The following FTO variants were observed in gnomAD, a reference collection of about 807,000 sequenced individuals.
The protein encoded by FTO is FTO alpha-ketoglutarate dependent dioxygenase, also known as alpha-ketoglutarate-dependent dioxygenase FTO.
FTO carries 47 observed loss-of-function variants against 63.9 expected under a neutral mutation model. That is an observed-to-expected ratio of 0.74 (90% CI 0.58 to 0.94). The LOEUF (loss-of-function observed/expected upper bound fraction) is 0.94, where lower values mean the gene tolerates loss of function less well. Among genes scored for constraint, FTO ranks in the 40% least tolerant of loss-of-function variants. The pLI is 0.00. For missense variants in FTO, 562 were observed against 618.1 expected, an observed-to-expected ratio of 0.91 and a Z score of 0.96; for synonymous variants, 207 against 224.4, an observed-to-expected ratio of 0.92 and a Z score of 0.69.
intron 8 of FTO, among the ~76,000 whole-genome samples, chr16:54,098,083 G>A (rs62034140): frequency 0.24 from 35,999 of 152,110 alleles, 4,985 homozygotes; most frequent in Middle Eastern, 0.41. Flanking sequence ...GCAGAGAATC[G>A]GGGTCAGGAA....
At chr16:53,804,632 C>CTTTTT (rs10602540) in intron 1 of FTO, among the ~76,000 whole-genome samples, 5 of 130,168 alleles carry the variant, frequency 3.8e-5, no homozygotes, top group African/African-American at 6.0e-5. Context: ...TCTTATTGAT[C>CTTTTT]TTTTTTTTTT....
At chr16:53,822,387 T>C (rs2151765167) in intron 2 of FTO, among the ~76,000 whole-genome samples, 1 of 152,286 alleles carries the variant, frequency 6.6e-6, no homozygotes, top group African/African-American at 2.4e-5. Context: ...CATACTCTTA[T>C]CAGTAGATAA....
chr16:53,779,778 G>A (rs2077544262), intron 1 of FTO, among the ~76,000 whole-genome samples: 1 of 152,084 alleles, frequency 6.6e-6, no homozygotes, highest in South Asian at 2.1e-4. Context: ...GCTAGCCATG[G>A]AAGCTAGCTA....
intron 5 of FTO, among the ~76,000 whole-genome samples, chr16:53,875,444 A>G (rs1375827467): frequency 6.6e-6 from 1 of 152,222 alleles, no homozygotes; most frequent in African/African-American, 2.4e-5. Context: ...TAATACATGT[A>G]AGTCTTTTTA....
At chr16:54,078,523 AG>A (rs2086057346) in intron 8 of FTO, among the ~76,000 whole-genome samples, 1 of 152,038 alleles carries the variant, frequency 6.6e-6, no homozygotes. Context: ...TTACACAGTC[AG>A]CTGCTGACAC....
intron 8 of FTO, among the ~76,000 whole-genome samples, chr16:54,100,745 A>G (rs1161660102): frequency 1.3e-5 from 2 of 152,206 alleles, no homozygotes; most frequent in African/African-American, 2.4e-5. Context: ...ATGAGGTACA[A>G]TGTCTTTATA....
chr16:54,061,465 GT>G (rs1483824122), intron 8 of FTO, among the ~76,000 whole-genome samples: 1 of 152,172 alleles, frequency 6.6e-6, no homozygotes, highest in Non-Finnish European at 1.5e-5. Context: ...TCATGGGCAG[GT>G]GTTTTCTAAA....
At chr16:53,835,765 A>G (rs1264613183) in intron 3 of FTO, among the ~76,000 whole-genome samples, 1 of 151,990 alleles carries the variant, frequency 6.6e-6, no homozygotes, top group African/African-American at 2.4e-5. Context: ...TTTGGAATCC[A>G]TATGATTTAG....
intron 7 of FTO, among the ~76,000 whole-genome samples, chr16:53,931,623 T>C (rs796729815): frequency 6.6e-6 from 1 of 152,112 alleles, no homozygotes; most frequent in Non-Finnish European, 1.5e-5. Flanking sequence ...AGTACTTGAC[T>C]TTTTGAGGTT....
intron 1 of FTO, among the ~76,000 whole-genome samples, chr16:53,789,928 G>A (rs375284253): frequency 6.1e-4 from 87 of 143,238 alleles, no homozygotes; most frequent in African/African-American, 1.9e-3. Flanking sequence ...ATACATATAC[G>A]TATATACACA....
intron 8 of FTO, among the ~76,000 whole-genome samples, chr16:54,075,989 A>T (rs1359686615): frequency 6.6e-6 from 1 of 152,140 alleles, no homozygotes. Flanking sequence ...CGGATTCCCC[A>T]TCTTCCCCTA....
chr16:53,777,160 A>G (rs1034734295), intron 1 of FTO, among the ~76,000 whole-genome samples: 10 of 152,152 alleles, frequency 6.6e-5, no homozygotes, highest in Non-Finnish European at 1.0e-4. Flanking sequence ...ACTAGAACTT[A>G]GGTCTCCTGT....
At chr16:53,818,691 GT>G (rs2078767826) in intron 2 of FTO, among the ~76,000 whole-genome samples, 1 of 143,784 alleles carries the variant, frequency 7.0e-6, no homozygotes, top group Admixed American at 6.9e-5. Flanking sequence ...CATATGTACT[GT>G]TTTTCTTTTA....
intron 8 of FTO, among the ~76,000 whole-genome samples, chr16:54,085,787 G>A (rs1400442450): frequency 2.0e-5 from 3 of 152,104 alleles, no homozygotes; most frequent in East Asian, 1.9e-4. Flanking sequence ...CCTCCGACTC[G>A]TCTCGCTGTA....
chr16:54,057,552 C>T (rs559057780), intron 8 of FTO, among the ~76,000 whole-genome samples: 1 of 152,282 alleles, frequency 6.6e-6, no homozygotes, highest in South Asian at 2.1e-4. Flanking sequence ...CAACCTCTGC[C>T]ACCCAGGTTC....
At chr16:53,769,882 A>G (rs1180412509) in intron 1 of FTO, among the ~76,000 whole-genome samples, 2 of 152,172 alleles carry the variant, frequency 1.3e-5, no homozygotes, top group Non-Finnish European at 2.9e-5. Context: ...AAGGTTTCTA[A>G]GGTCACCTTA....
rs2087006447 is a variant in FTO at position 54,121,601 on chromosome 16, T to C, written c.*9686T>C. 6.6e-6 allele frequency: 1 copy of C among 152,214 alleles called. No homozygotes were observed. Among genetic ancestry groups the C allele is most frequent in the Non-Finnish European group, 1.5e-5 (1 of 68,054 alleles). The allele number at this position is 152,214 out of a possible 1,614,324, so 9.4% of individuals were successfully genotyped here. A position where few individuals can be genotyped will look rare whatever the true frequency, so the allele number is the denominator to read the frequency against. Reference sequence around the variant, plus strand: ...AGGCCGAGCCTGATCTTTTCTCCGCTAGAACTGCTCAACAGGTGAAGAATC... The same window carrying C: ...AGGCCGAGCCTGATCTTTTCTCCGCCAGAACTGCTCAACAGGTGAAGAATC... On this transcript the variant is annotated 3_prime_UTR_variant, in exon 9 of 9. Coordinates refer to ENST00000471389, the MANE Select transcript of FTO (RefSeq NM_001080432.3).
intron 7 of FTO, among the ~76,000 whole-genome samples, chr16:53,908,357 G>A (rs1487398015): frequency 6.6e-6 from 1 of 152,076 alleles, no homozygotes; most frequent in East Asian, 1.9e-4. Flanking sequence ...TATTCTTTTG[G>A]GATGTTGCCT....
intron 3 of FTO, among the ~76,000 whole-genome samples, chr16:53,835,977 G>A (rs371259730): frequency 1.3e-5 from 2 of 148,292 alleles, no homozygotes; most frequent in East Asian, 2.0e-4. Flanking sequence ...TGCAACCTCT[G>A]CCTCCCAGGT....
Sources: gnomAD v4.1 joint callset for allele counts (sites outside exome capture counted in the v4.1 genomes callset) on GRCh38, gnomAD v4.1.1 for gene constraint, MANE v1.5 for transcripts, NCBI Gene and HGNC (gene_info 2026-07-23, HGNC 2026-07-21) for gene names.